Variants in LPAR2 observed in about 807,000 individuals in gnomAD.
The protein encoded by LPAR2 is G protein-coupled receptor.
LPAR2 carries 10 observed loss-of-function variants against 15.6 expected under a neutral mutation model. The observed-to-expected ratio is 0.64, with a 90% confidence interval of 0.39 to 1.09. The LOEUF (loss-of-function observed/expected upper bound fraction) is 1.09. Ranked by LOEUF, LPAR2 falls within the 50% of genes least tolerant of loss-of-function variation. LPAR2 has a pLI of 0.01. For synonymous variants in LPAR2, 204 were observed against 207.4 expected (o/e 0.98, Z 0.14); for missense variants, 413 against 484.6 (o/e 0.85, Z 1.39).
Position 19,623,836 on chromosome 19 carries a change from G to A in LPAR2, c.*420C>T, listed in dbSNP as rs149694567. 6.9e-4 allele frequency: 122 copies of A among 176,408 alleles called. No individual in the cohort carries two copies. The highest frequency in any genetic ancestry group is 1.3e-3 in the Non-Finnish European group (111 of 82,578). 10.9% of individuals were successfully genotyped at this position (176,408 alleles called of 1,614,324 possible). A position where few individuals can be genotyped will look rare whatever the true frequency, so the allele number is the denominator to read the frequency against. On this transcript the variant is annotated 3_prime_UTR_variant, in exon 3 of 3. Transcript: ENST00000407877. ...CTAAAGAATCAGACTCAGGTAGATGGGGTGTCCACAGTCTGTCCTCATTAC... is the reference window on the plus strand; with the variant it reads ...CTAAAGAATCAGACTCAGGTAGATGAGGTGTCCACAGTCTGTCCTCATTAC...
intron 1 of LPAR2, 22 bp downstream of exon 1, chr19:19,628,070 C>T (rs1054170336): frequency 1.3e-5 from 2 of 152,488 alleles, no homozygotes; most frequent in Non-Finnish European, 2.9e-5. Context: ...ACCCGCCCGC[C>T]TCCCGTCCGT....
Position 19,626,401 on chromosome 19 carries a change from T to A in LPAR2, c.742+142A>T. On this transcript the variant is annotated intron_variant, in intron 2 of 2. Transcript: ENST00000407877. This position sits in a 1 kb window ranked among gnomAD's most constrained non-coding sequence, Gnocchi z 5.3. Reference sequence around the variant, plus strand: ...TTCAGGCCTCTGCTCACATACATTATCACCTCCTTGGAGGACATTCCCCAC... The same window carrying A: ...TTCAGGCCTCTGCTCACATACATTAACACCTCCTTGGAGGACATTCCCCAC... 1.9e-6 allele frequency: 2 copies of A among 1,063,698 alleles called. No individual in the cohort carries two copies. Among genetic ancestry groups the A allele is most frequent in the South Asian group, 1.5e-5 (1 of 65,136 alleles). The allele number at this position is 1,063,698 out of a possible 1,614,324, so 65.9% of individuals were successfully genotyped here.
At position 19,626,847 on chromosome 19, in the gene LPAR2, G is replaced by A. The variant is rs765415690; in HGVS notation, c.438C>T (p.Arg146=). 3.8e-6 allele frequency: 6 copies of A among 1,593,820 alleles called. No homozygotes were observed. The highest frequency in any genetic ancestry group is 3.5e-5 in the Admixed American group (2 of 56,486). ...ACACGCCCACAATGAGCATGACCAC[G>A]CGGCCACGGGGCAGGCGGCTGTGCA... Residue 146 remains arginine, a synonymous_variant, in exon 2 of 3, where the codon CGC becomes CGT. Coordinates refer to ENST00000407877, the MANE Select transcript of LPAR2 (RefSeq NM_004720.7). The surrounding 1 kb of genome is among the most constrained non-coding windows in gnomAD (Gnocchi z 5.3).
Position 19,624,337 on chromosome 19 carries a change from A to G in LPAR2, c.975T>C (p.Tyr325=), listed in dbSNP as rs1399961771. The G allele has an allele frequency of 6.2e-7, 1 of 1,614,224 alleles. No homozygotes were observed. The highest frequency in any genetic ancestry group is 8.5e-7 in the Non-Finnish European group (1 of 1,180,038). ...TGGCACCTCCCTGGGCAGAGGATGT[A>G]TAGTGGACAGACTCGCGGGTGGACT... Residue 325 remains tyrosine (Y), a synonymous_variant, in exon 3 of 3, where the codon TAT becomes TAC. Transcript: ENST00000407877.
At position 19,626,411 on chromosome 19, in the gene LPAR2, G is replaced by T; in HGVS notation, c.742+132C>A. 3.5e-6 allele frequency: 4 copies of T among 1,151,584 alleles called. No homozygotes were observed. Among genetic ancestry groups the T allele is most frequent in the Non-Finnish European group, 5.0e-6 (4 of 803,402 alleles). 71.3% of individuals were successfully genotyped at this position (1,151,584 alleles called of 1,614,324 possible). A position where few individuals can be genotyped will look rare whatever the true frequency, so the allele number is the denominator to read the frequency against. On this transcript the variant is annotated intron_variant, in intron 2 of 2. Coordinates refer to ENST00000407877, the MANE Select transcript of LPAR2 (RefSeq NM_004720.7). This position sits in a 1 kb window ranked among gnomAD's most constrained non-coding sequence, Gnocchi z 5.3. ...TGCTCACATACATTATCACCTCCTT[G>T]GAGGACATTCCCCACCTAAATCATC...
rs749441850 is a variant in LPAR2 at position 19,624,324 on chromosome 19, G to A, written c.988C>T (p.Gln330Ter). The A allele has an allele frequency of 2.5e-6, 4 of 1,614,176 alleles. No homozygotes were observed. The highest frequency in any genetic ancestry group is 3.4e-6 in the Non-Finnish European group (4 of 1,180,012). ...ATGATGCGAGTGCTGGCACCTCCCT[G>A]GGCAGAGGATGTATAGTGGACAGAC... The change falls in exon 3 of 3, where the codon CAG (glutamine) becomes TAG (stop). Residue 330 changes from glutamine (Q) to a stop codon, truncating the protein, a stop_gained. Transcript: ENST00000407877. LOFTEE classifies it high-confidence loss of function.
At position 19,627,011 on chromosome 19, in the gene LPAR2, T is replaced by C; in HGVS notation, c.274A>G (p.Thr92Ala). The stretch of plus-strand genomic sequence containing the variant: ...GAAAGTCGGGCTGTGCGGGGACCAG[T>C]GTGGAACATGAGGAAGAGGTAGGCC... Residue 92 changes from threonine to alanine, a missense_variant, in exon 2 of 3, where the codon ACT (threonine) becomes GCT (alanine). Coordinates refer to ENST00000407877, the MANE Select transcript of LPAR2 (RefSeq NM_004720.7). The surrounding 1 kb of genome is among the most constrained non-coding windows in gnomAD (Gnocchi z 4.7). 6.2e-7 allele frequency: 1 copy of C among 1,613,738 alleles called. No homozygotes were observed. The highest frequency in any genetic ancestry group is 8.5e-7 in the Non-Finnish European group (1 of 1,179,974).
chr19:19,627,976 A>C lies in LPAR2; in HGVS notation c.-1+116T>G, dbSNP rs895180370. 6.5e-6 allele frequency: 1 copy of C among 153,168 alleles called. No homozygotes were observed. Among genetic ancestry groups the C allele is most frequent in the African/African-American group, 2.4e-5 (1 of 41,416 alleles). 9.5% of individuals were successfully genotyped at this position (153,168 alleles called of 1,614,324 possible). The stretch of plus-strand genomic sequence containing the variant: ...GCCTCCAGGCGTCTCCAGACTGGGG[A>C]AGGGGTAGGGGGTTAAGGGATCAGA... On this transcript the variant is annotated intron_variant, in intron 1 of 2. Coordinates refer to ENST00000407877, the MANE Select transcript of LPAR2 (RefSeq NM_004720.7). The surrounding 1 kb of genome is among the most constrained non-coding windows in gnomAD (Gnocchi z 4.7).
chr19:19,624,789 TTGTGTGTGTGTGTGTGTGTGTG>T (rs142248281), intron 2 of LPAR2, among the ~76,000 whole-genome samples: 41 of 143,800 alleles, frequency 2.9e-4, no homozygotes, highest in Non-Finnish European at 2.1e-4. Context: ...ACTGGACATT[TTGTGTGTGTGTGTGTGTGTGTG>T]TGTGTGTGTG....
At position 19,626,847 on chromosome 19, in the gene LPAR2, G is replaced by T; in HGVS notation, c.438C>A (p.Arg146=). ...ACACGCCCACAATGAGCATGACCAC[G>T]CGGCCACGGGGCAGGCGGCTGTGCA... The change falls in exon 2 of 3, where the codon CGC becomes CGA. Residue 146 remains arginine, a synonymous_variant. Coordinates refer to ENST00000407877, the MANE Select transcript of LPAR2 (RefSeq NM_004720.7). The surrounding 1 kb of genome is among the most constrained non-coding windows in gnomAD (Gnocchi z 5.3). 6.3e-7 allele frequency: 1 copy of T among 1,593,820 alleles called. No homozygotes were observed. The highest frequency in any genetic ancestry group is 8.5e-7 in the Non-Finnish European group (1 of 1,170,830).
chr19:19,625,165 G>C (rs557299906), intron 2 of LPAR2, among the ~76,000 whole-genome samples: 39 of 152,066 alleles, frequency 2.6e-4, no homozygotes, highest in African/African-American at 8.9e-4. Flanking sequence ...CACCTAGGCT[G>C]GAGTGCAGTG....
intron 2 of LPAR2, among the ~76,000 whole-genome samples, chr19:19,625,782 C>CAAA (rs34230172): frequency 3.9e-5 from 3 of 76,326 alleles, no homozygotes; most frequent in Admixed American, 3.0e-4. Context: ...GACTCTGTCT[C>CAAA]AAAAAAAAAA....
chr19:19,627,245 C>G lies in LPAR2; in HGVS notation c.40G>C (p.Gly14Arg), dbSNP rs760397734. 6.8e-6 allele frequency: 11 copies of G among 1,606,768 alleles called. No homozygotes were observed. In the East Asian group the frequency reaches 2.2e-4, roughly 33 times the overall value. Residue 14 changes from glycine to arginine, a missense_variant, in exon 2 of 3, where the codon GGC becomes CGC. Transcript: ENST00000407877. The surrounding 1 kb of genome is among the most constrained non-coding windows in gnomAD (Gnocchi z 4.7). Reference sequence around the variant, plus strand: ...TTGCCACTGTTGTTATAGAAGAAGCCGATGGTCTCGTTGTAGTAGCACTGG... The same window carrying G: ...TTGCCACTGTTGTTATAGAAGAAGCGGATGGTCTCGTTGTAGTAGCACTGG...
intron 2 of LPAR2, among the ~76,000 whole-genome samples, chr19:19,624,789 T>TTGTGTGTGTGTGTGTGTGTGTG (rs142248281): frequency 1.4e-5 from 2 of 143,698 alleles, no homozygotes; most frequent in African/African-American, 2.6e-5. Flanking sequence ...ACTGGACATT[T>TTGTGTGTGTGTGTGTGTGTGTG]TGTGTGTGTG....
Position 19,627,573 on chromosome 19 carries a change from C to G in LPAR2, c.1-289G>C. The G allele has an allele frequency of 5.2e-6, 2 of 384,040 alleles. No homozygotes were observed. The highest frequency in any genetic ancestry group is 9.6e-6 in the Non-Finnish European group (2 of 207,334). 23.8% of individuals were successfully genotyped at this position (384,040 alleles called of 1,614,324 possible). Reference sequence around the variant, plus strand: ...AAGTGAAACAAAACCCATCTATGGTCGAATCCCAGCCCACCTGCCGCCAAT... The same window carrying G: ...AAGTGAAACAAAACCCATCTATGGTGGAATCCCAGCCCACCTGCCGCCAAT... On this transcript the variant is annotated intron_variant, in intron 1 of 2. Transcript: ENST00000407877. The surrounding 1 kb of genome is among the most constrained non-coding windows in gnomAD (Gnocchi z 4.7).
rs893509279 is a variant in LPAR2, at chr19:19,626,755, C to T, written c.530G>A (p.Arg177His). 1.1e-5 allele frequency: 18 copies of T among 1,611,758 alleles called. No individual in the cohort carries two copies. Among genetic ancestry groups the T allele is most frequent in the African/African-American group, 2.7e-5 (2 of 74,882 alleles). ...GAGCAGGGGTGCCATGCGTGAGCAG[C>T]GGTCCAGGGCACAGAGGCAGTGCCA... Residue 177 changes from arginine to histidine, a missense_variant, in exon 2 of 3, where the codon CGC (arginine) becomes CAC (histidine). Coordinates refer to ENST00000407877, the MANE Select transcript of LPAR2 (RefSeq NM_004720.7). The surrounding 1 kb of genome is among the most constrained non-coding windows in gnomAD (Gnocchi z 5.3).
At position 19,627,392 on chromosome 19, in the gene LPAR2, G is replaced by C; in HGVS notation, c.1-108C>G. 1 of 1,174,792 alleles carries C rather than the reference G, an allele frequency of 8.5e-7. No homozygotes were observed. The highest frequency in any genetic ancestry group is 1.2e-6 in the Non-Finnish European group (1 of 830,680). The allele number at this position is 1,174,792 out of a possible 1,614,324, so 72.8% of individuals were successfully genotyped here. On this transcript the variant is annotated intron_variant, in intron 1 of 2. Coordinates refer to ENST00000407877, the MANE Select transcript of LPAR2 (RefSeq NM_004720.7). The surrounding 1 kb of genome is among the most constrained non-coding windows in gnomAD (Gnocchi z 4.7). ...AGGAAGGACAAGGGTCTCAAATTCA[G>C]ATACCTCGAAGCAAAGTGGCAGTGG...
In LPAR2 at chr19:19,627,207, G is replaced by C. The variant is rs756627724; in HGVS notation, c.78C>G (p.Ser26=). The change falls in exon 2 of 3, where the codon TCC becomes TCG. Residue 26 remains serine (S), a synonymous_variant. Transcript: ENST00000407877. The surrounding 1 kb of genome is among the most constrained non-coding windows in gnomAD (Gnocchi z 4.7). ...CGACCACATCCTTGGGCCGCCAGTG[G>C]GAGCTGAGCTCTTTGCCACTGTTGT... 6.2e-7 allele frequency: 1 copy of C among 1,612,442 alleles called. No homozygotes were observed. Among genetic ancestry groups the C allele is most frequent in the Non-Finnish European group, 8.5e-7 (1 of 1,180,028 alleles).
chr19:19,626,943 G>A lies in LPAR2; in HGVS notation c.342C>T (p.Ser114=), dbSNP rs753740591. 6.2e-7 allele frequency: 1 copy of A among 1,608,718 alleles called. No homozygotes were observed. The highest frequency in any genetic ancestry group is 2.2e-5 in the East Asian group (1 of 44,558). Residue 114 remains serine (S), a synonymous_variant, in exon 2 of 3, where the codon AGC becomes AGT. Coordinates refer to ENST00000407877, the MANE Select transcript of LPAR2 (RefSeq NM_004720.7). This position sits in a 1 kb window ranked among gnomAD's most constrained non-coding sequence, Gnocchi z 5.3. ...GCAGTGTGGCCACCGACGCAGTGAGGCTTGTGTCCAGCAAGCCCTGCCGCA... is the reference window on the plus strand; with the variant it reads ...GCAGTGTGGCCACCGACGCAGTGAGACTTGTGTCCAGCAAGCCCTGCCGCA...
Sources: gnomAD v4.1 joint callset for allele counts (sites outside exome capture counted in the v4.1 genomes callset) on GRCh38, gnomAD v4.1.1 for gene constraint, Gnocchi (gnomAD v3.1) non-coding constraint, MANE v1.5 for transcripts, NCBI Gene and HGNC (gene_info 2026-07-23, HGNC 2026-07-21) for gene names.